Variants in C8orf34 observed in about 807,000 individuals in gnomAD.
C8orf34 encodes the protein uncharacterized protein C8orf34.
A neutral mutation model predicts 68.3 loss-of-function variants in C8orf34; 65 were observed. That is an observed-to-expected ratio of 0.95 (90% confidence interval 0.78 to 1.17). The LOEUF (loss-of-function observed/expected upper bound fraction) is 1.17, where lower values mean the gene tolerates loss of function less well. Ranked by LOEUF, C8orf34 falls within the 50% of genes most tolerant of loss-of-function variation. C8orf34 has a pLI of 0.00. For synonymous variants in C8orf34, 244 were observed against 241.2 expected, an observed-to-expected ratio of 1.01 and a Z score of -0.11; for missense variants, 664 against 655.4, an observed-to-expected ratio of 1.01 and a Z score of -0.14.
chr8:68,697,959 G>A (rs6986385), intron 8 of C8orf34, among the ~76,000 whole-genome samples: 10,216 of 152,030 alleles, frequency 0.067, 450 homozygotes, highest in African/African-American at 0.12. Context: ...AGAACTCTAC[G>A]GGAATCTCAG....
chr8:68,801,576 T>C (rs1315388997), intron 12 of C8orf34, among the ~76,000 whole-genome samples: 1 of 152,204 alleles, frequency 6.6e-6, no homozygotes, highest in East Asian at 1.9e-4. Flanking sequence ...ATTCATACTG[T>C]CATACTGCAT....
intron 10 of C8orf34, among the ~76,000 whole-genome samples, chr8:68,756,322 A>G (rs1822859683): frequency 6.6e-6 from 1 of 152,196 alleles, no homozygotes; most frequent in African/African-American, 2.4e-5. Flanking sequence ...AATTAATTCC[A>G]TTATGTACTA....
chr8:68,600,478 A>G (rs1264170294), intron 7 of C8orf34, among the ~76,000 whole-genome samples: 1 of 152,058 alleles, frequency 6.6e-6, no homozygotes. Flanking sequence ...TCCTGTTTTA[A>G]TAAATCTCTT....
At chr8:68,700,190 A>G (rs1820948662) in intron 8 of C8orf34, among the ~76,000 whole-genome samples, 2 of 152,130 alleles carry the variant, frequency 1.3e-5, no homozygotes, top group Non-Finnish European at 2.9e-5. Context: ...AAAAGAATAT[A>G]CTAAAATAAG....
rs936156540 is a variant in C8orf34 at position 68,509,488 on chromosome 8, G to A, written c.766-12311G>A. Among the ~76,000 whole-genome samples the A allele has an allele frequency of 4.6e-5, 7 of 152,232 alleles. No homozygotes were observed. In the East Asian group the frequency reaches 1.4e-3, roughly 30 times the overall value. On this transcript the variant is annotated intron_variant, in intron 5 of 13. Transcript: ENST00000518698. The stretch of plus-strand genomic sequence containing the variant: ...TCCCTTCCCCTGAGCTCAATCCTAA[G>A]CCAACCAATTTAAGACTTGGGAAAT...
intron 1 of C8orf34, among the ~76,000 whole-genome samples, chr8:68,358,600 T>C (rs779889316): frequency 1.3e-5 from 2 of 152,144 alleles, no homozygotes; most frequent in Non-Finnish European, 2.9e-5. Flanking sequence ...GCCAGCTTTG[T>C]TTCTGACACA....
At chr8:68,735,860 T>G (rs1822108060) in intron 10 of C8orf34, among the ~76,000 whole-genome samples, 1 of 152,198 alleles carries the variant, frequency 6.6e-6, no homozygotes, top group Non-Finnish European at 1.5e-5. Context: ...AATTTCCTCT[T>G]TCCCTCTTTT....
In C8orf34 at chr8:68,396,712, CAAAAAAAA is replaced by C. The variant is rs56946858; in HGVS notation, c.328-42765_328-42758del. ...ATTAGTTCCTGCAAAAGCTGCTTGT[CAAAAAAAA>C]AAAAAAAAAAAAAAAAAAAAAGCCT... On this transcript the variant is annotated intron_variant, in intron 1 of 13. Coordinates refer to ENST00000518698, the MANE Select transcript of C8orf34 (RefSeq NM_052958.4). 0.012 allele frequency among the ~76,000 whole-genome samples: 216 copies of C among 18,682 alleles called. 7 individuals are homozygous for C. The East Asian group carries it at 0.22, about 19-fold the overall frequency. 12.3% of individuals were successfully genotyped at this position (18,682 alleles called of 152,430 possible).
chr8:68,788,200 A>G (rs920379756), intron 12 of C8orf34, among the ~76,000 whole-genome samples: 1 of 152,208 alleles, frequency 6.6e-6, no homozygotes, highest in East Asian at 1.9e-4. Context: ...AAAAATAACA[A>G]TTGTATGTGA....
At chr8:68,407,953 T>A (rs987979059) in intron 1 of C8orf34, among the ~76,000 whole-genome samples, 1 of 152,180 alleles carries the variant, frequency 6.6e-6, no homozygotes, top group Admixed American at 6.5e-5. Context: ...CCCATCCCAC[T>A]GAGCTGGTGT....
At position 68,425,173 on chromosome 8, in the gene C8orf34, A is replaced by G. The variant is rs150138820; in HGVS notation, c.328-14326A>G. ...CATCTACAGAAATCCTACAGCTAAC[A>G]TTATACTTAATTGTGAAAAACTGAA... On this transcript the variant is annotated intron_variant, in intron 1 of 13. Coordinates refer to ENST00000518698, the MANE Select transcript of C8orf34 (RefSeq NM_052958.4). Among the ~76,000 whole-genome samples, 172 of 152,272 alleles carry G rather than the reference A, an allele frequency of 1.1e-3. 3 individuals are homozygous for G. The East Asian group carries it at 0.029, about 25-fold the overall frequency.
intron 2 of C8orf34, among the ~76,000 whole-genome samples, chr8:68,440,685 G>A (rs544005106): frequency 1.4e-4 from 22 of 152,114 alleles, no homozygotes; most frequent in Non-Finnish European, 2.4e-4. Context: ...TGGTTTGTAG[G>A]TACTAAGATG....
chr8:68,557,861 G>C (rs1006685218), intron 7 of C8orf34, among the ~76,000 whole-genome samples: 7 of 152,154 alleles, frequency 4.6e-5, no homozygotes, highest in Admixed American at 1.3e-4. Flanking sequence ...TTCCAGACCA[G>C]GTGCCCATAG....
At chr8:68,547,038 G>A (rs1285269829) in intron 7 of C8orf34, among the ~76,000 whole-genome samples, 1 of 151,508 alleles carries the variant, frequency 6.6e-6, no homozygotes, top group Non-Finnish European at 1.5e-5. Flanking sequence ...ATCCAAATAA[G>A]TAGAAAAAAT....
Position 68,440,701 on chromosome 8 carries a change from C to T in C8orf34, c.475+1055C>T, listed in dbSNP as rs116026346. On this transcript the variant is annotated intron_variant, in intron 2 of 13. Transcript: ENST00000518698. ...GGTTTGTAGGTACTAAGATGGTACC[C>T]ACCACATAAACGCAGATCAGTTGAG... Among the ~76,000 whole-genome samples the T allele has an allele frequency of 7.6e-3, 1,163 of 152,210 alleles. 15 individuals carry two copies. Among genetic ancestry groups the T allele is most frequent in the African/African-American group, 0.025 (1,058 of 41,542 alleles).
intron 5 of C8orf34, among the ~76,000 whole-genome samples, chr8:68,495,290 T>A (rs370956725): frequency 5.9e-5 from 9 of 151,504 alleles, no homozygotes; most frequent in African/African-American, 1.7e-4. Context: ...TATATATATA[T>A]AATAACAATG....
chr8:68,671,250 C>A (rs987935280), intron 8 of C8orf34, among the ~76,000 whole-genome samples: 10 of 152,236 alleles, frequency 6.6e-5, no homozygotes, highest in South Asian at 4.2e-4. Flanking sequence ...AATTGCTTTA[C>A]AAAATCTGTA....
At chr8:68,593,764 G>A (rs1308703750) in intron 7 of C8orf34, among the ~76,000 whole-genome samples, 2 of 151,250 alleles carry the variant, frequency 1.3e-5, no homozygotes, top group Non-Finnish European at 3.0e-5. Flanking sequence ...CTTTTTTATT[G>A]TTTGCTGTTT....
chr8:68,776,372 T>C (rs772510458), intron 10 of C8orf34, 27 bp from the exon 11 acceptor site: 1 of 1,593,990 alleles, frequency 6.3e-7, no homozygotes, highest in South Asian at 1.1e-5. Flanking sequence ...CCTGACCTTT[T>C]CAACCTCTCT....
Sources: allele counts gnomAD v4.1 joint callset (sites outside exome capture counted in the v4.1 genomes callset), GRCh38; gene constraint gnomAD v4.1.1; transcripts MANE v1.5; gene names NCBI Gene and HGNC (gene_info 2026-07-23, HGNC 2026-07-21).